Variants in TENM1 observed in about 807,000 individuals in gnomAD.
TENM1 encodes the protein teneurin transmembrane protein 1, also known as teneurin-1.
TENM1 carries 35 observed loss-of-function variants against 174.8 expected under a neutral mutation model. The ratio of observed to expected loss-of-function variants is 0.20; its 90% CI spans 0.15 to 0.27. The LOEUF is 0.27. Ranked by LOEUF, TENM1 falls within the 10% of genes least tolerant of loss-of-function variation. The pLI is 1.00. For missense variants in TENM1, 1,633 were observed against 2,130.1 expected, an observed-to-expected ratio of 0.77 and a Z score of 4.59; for synonymous variants, 781 against 798.7, an observed-to-expected ratio of 0.98 and a Z score of 0.37.
At chrX:124,455,488 C>A (rs2147855197) in intron 22 of TENM1, among the ~76,000 whole-genome samples, 1 of 111,506 alleles carries the variant, frequency 9.0e-6, no homozygotes, top group African/African-American at 3.3e-5. Context: ...TTAGAACCAC[C>A]TTCTATGACC....
At chrX:124,838,890 A>G (rs1434156167) in intron 3 of TENM1, among the ~76,000 whole-genome samples, 1 of 111,359 alleles carries the variant, frequency 9.0e-6, no homozygotes, top group Admixed American at 9.6e-5. Flanking sequence ...ATTACTTTGG[A>G]AGGCCATCTG....
intron 8 of TENM1, 42 bp from the exon 12 acceptor site, chrX:124,646,852 C>T (rs1302117236): frequency 1.0e-6 from 1 of 959,104 alleles, no homozygotes; most frequent in Non-Finnish European, 1.5e-6. Context: ...GAACGCATCT[C>T]CAGGCTGTAG....
the TENM1 span, among the ~76,000 whole-genome samples, chrX:125,046,519 C>T: frequency 8.9e-6 from 1 of 112,095 alleles, no homozygotes; most frequent in African/African-American, 3.2e-5. Context: ...CTAATGAGAC[C>T]AAGGTTGAAG....
rs527603539 is a variant in TENM1, at chrX:124,803,933, G to A, written c.536-66736C>T. On this transcript the variant is annotated intron_variant, in intron 3 of 31. Transcript: ENST00000422452. ...TGGGTAATTAAGACTACAAGTTATA[G>A]TACATGCCTTGTAGGAATCTAAAGC... Among the ~76,000 whole-genome samples the A allele has an allele frequency of 4.0e-4, 45 of 112,375 alleles. No homozygotes were observed. The South Asian group carries it at 0.015, about 39-fold the overall frequency.
At chrX:124,819,390 A>G (rs947008001) in intron 3 of TENM1, among the ~76,000 whole-genome samples, 2 of 111,579 alleles carry the variant, frequency 1.8e-5, no homozygotes, top group Non-Finnish European at 3.8e-5. Flanking sequence ...GACTGTCCTC[A>G]TTGATTAAAT....
At chrX:125,046,629 A>G in the TENM1 span, among the ~76,000 whole-genome samples, 2 of 112,141 alleles carry the variant, frequency 1.8e-5, no homozygotes, top group South Asian at 7.3e-4. Context: ...CCACAGGTCA[A>G]AAACGAACTG....
intron 11 of TENM1, among the ~76,000 whole-genome samples, chrX:124,611,826 A>G (rs1168155235): frequency 2.7e-5 from 3 of 111,910 alleles, no homozygotes; most frequent in Admixed American, 1.9e-4. Context: ...ACGAATGCTA[A>G]GTCTCAAGTG....
intron 5 of TENM1, among the ~76,000 whole-genome samples, chrX:124,703,215 C>T (rs7064727): frequency 0.025 from 2,772 of 111,373 alleles, 47 homozygotes; most frequent in African/African-American, 0.052. Context: ...CAAGGAAACA[C>T]ACCTAATAAG....
intron 3 of TENM1, among the ~76,000 whole-genome samples, chrX:124,753,979 G>T: frequency 9.0e-6 from 1 of 111,433 alleles, no homozygotes; most frequent in Non-Finnish European, 1.9e-5. Flanking sequence ...GCCAGGCTTT[G>T]GTATCAGGAT....
intron 11 of TENM1, among the ~76,000 whole-genome samples, chrX:124,622,852 A>G (rs2050549335): frequency 9.0e-6 from 1 of 111,133 alleles, no homozygotes; most frequent in Non-Finnish European, 1.9e-5. Flanking sequence ...AAAATTTTAC[A>G]TTTTTTCCCA....
intron 3 of TENM1, among the ~76,000 whole-genome samples, chrX:124,739,303 A>G (rs2053748082): frequency 1.8e-5 from 2 of 111,833 alleles, no homozygotes; most frequent in South Asian, 7.5e-4. Flanking sequence ...GAATGTAATA[A>G]AAGTATAAAA....
intron 3 of TENM1, among the ~76,000 whole-genome samples, chrX:124,805,204 C>T (rs1325607108): frequency 9.0e-6 from 1 of 111,632 alleles, no homozygotes; most frequent in Admixed American, 9.5e-5. Context: ...TACATGCTAG[C>T]CTTGAAGGAT....
At chrX:124,385,789 A>C in exon 29 of TENM1, 1 of 1,211,486 alleles carries the variant, frequency 8.3e-7, no homozygotes, top group Non-Finnish European at 1.1e-6. Flanking sequence ...TATCATAGAG[A>C]ACCTCAGAAA....
intron 3 of TENM1, among the ~76,000 whole-genome samples, chrX:124,766,733 G>A (rs2054546195): frequency 9.0e-6 from 1 of 111,107 alleles, no homozygotes; most frequent in Non-Finnish European, 1.9e-5. Context: ...TTTTATACAG[G>A]TATGATGGTG....
chrX:124,643,729 T>A (rs1281899467), intron 10 of TENM1, among the ~76,000 whole-genome samples: 2 of 110,792 alleles, frequency 1.8e-5, no homozygotes, highest in Non-Finnish European at 3.8e-5. Flanking sequence ...CTGAGCATTA[T>A]TCCTTAATAT....
At chrX:124,872,039 A>C (rs1407295099) in intron 3 of TENM1, among the ~76,000 whole-genome samples, 1 of 108,138 alleles carries the variant, frequency 9.2e-6, no homozygotes, top group Admixed American at 1.0e-4. Context: ...TCAAAAAAAA[A>C]AAAAAAAAAA....
intron 4 of TENM1, among the ~76,000 whole-genome samples, chrX:124,711,717 T>C (rs1335926715): frequency 8.9e-6 from 1 of 112,250 alleles, no homozygotes; most frequent in Non-Finnish European, 1.9e-5. Flanking sequence ...AAAAAGCATA[T>C]GGCATAAAAT....
At chrX:124,452,494 G>A (rs998128287) in intron 23 of TENM1, among the ~76,000 whole-genome samples, 4 of 111,312 alleles carry the variant, frequency 3.6e-5, no homozygotes, top group Admixed American at 2.8e-4. Flanking sequence ...CTAGAAATAC[G>A]ATTTGACCCA....
At chrX:124,720,240 G>A (rs2053279747) in intron 4 of TENM1, among the ~76,000 whole-genome samples, 1 of 111,862 alleles carries the variant, frequency 8.9e-6, no homozygotes, top group Non-Finnish European at 1.9e-5. Flanking sequence ...TCCCTCCAGT[G>A]TTAACATCAA....
Sources: allele counts gnomAD v4.1 joint callset (sites outside exome capture counted in the v4.1 genomes callset), GRCh38; gene constraint gnomAD v4.1.1; transcripts MANE v1.5; gene names NCBI Gene and HGNC (gene_info 2026-07-23, HGNC 2026-07-21).